Variants in DEPDC1B observed in about 807,000 individuals in gnomAD.
DEPDC1B encodes DEP domain containing 1B.
In DEPDC1B, 51 loss-of-function variants were observed where a neutral mutation model predicts 66.5. That is an observed-to-expected ratio of 0.77 (90% CI 0.61 to 0.97). The LOEUF is 0.97. Among genes scored for constraint, DEPDC1B ranks in the 50% least tolerant of loss-of-function variants. The pLI is 0.00. For synonymous variants in DEPDC1B, 226 were observed against 223.6 expected (o/e 1.01, Z -0.10); for missense variants, 552 against 637.1 (o/e 0.87, Z 1.44).
chr5:60,695,106 A>G (rs1754625256), intron 1 of DEPDC1B, among the ~76,000 whole-genome samples: 1 of 152,114 alleles, frequency 6.6e-6, no homozygotes, highest in Admixed American at 6.6e-5. Context: ...CTTTAACTGA[A>G]TTTTATATGG....
intron 7 of DEPDC1B, among the ~76,000 whole-genome samples, chr5:60,622,895 A>G (rs1269443543): frequency 6.6e-6 from 1 of 152,074 alleles, no homozygotes; most frequent in Non-Finnish European, 1.5e-5. Context: ...TTCTCTACAT[A>G]TCCTAGTTAT....
rs1180729395 is a variant in DEPDC1B, at chr5:60,597,821, G to A, written c.1522C>T (p.Gln508Ter). 1.9e-6 allele frequency: 3 copies of A among 1,613,400 alleles called. No homozygotes were observed. Among genetic ancestry groups the A allele is most frequent in the Non-Finnish European group, 1.7e-6 (2 of 1,179,676 alleles). ...TTCTTTAGTGCCCACATTAGCAGCT[G>A]TGGTTTCGGTTTGGGTTTTTCAGGA... is the stretch of plus-strand genomic sequence containing the variant. Reference protein sequence around the residue: ...LFPEKPKPKPQLLMWALKKPF... With the variant: ...LFPEKPKPKP Residue 508 changes from glutamine to a stop codon, truncating the protein, a stop_gained, in exon 11 of 11, where the codon CAG (glutamine) becomes TAG (stop). Transcript: ENST00000265036. LOFTEE classifies it high-confidence loss of function.
intron 1 of DEPDC1B, among the ~76,000 whole-genome samples, chr5:60,698,326 G>A (rs2112058402): frequency 6.6e-6 from 1 of 152,206 alleles, no homozygotes; most frequent in African/African-American, 2.4e-5. Context: ...TCTAGAATCT[G>A]GATTTAGCTG....
Position 60,665,616 on chromosome 5 carries a change from G to A in DEPDC1B, c.315-18083C>T, listed in dbSNP as rs559993357. Among the ~76,000 whole-genome samples the A allele has an allele frequency of 1.4e-4, 21 of 152,128 alleles. No individual in the cohort carries two copies. The East Asian group carries it at 2.7e-3, about 20-fold the overall frequency. ...ATCTCAACTGCATGACCCCTATTACGCCCCAATTCAGCAGGAAGCAGTTAA... is the reference window on the plus strand; with the variant it reads ...ATCTCAACTGCATGACCCCTATTACACCCCAATTCAGCAGGAAGCAGTTAA... On this transcript the variant is annotated intron_variant, in intron 2 of 10. Coordinates refer to ENST00000265036, the MANE Select transcript of DEPDC1B (RefSeq NM_018369.3).
At chr5:60,653,756 TA>T (rs1317176679) in intron 2 of DEPDC1B, among the ~76,000 whole-genome samples, 2 of 150,268 alleles carry the variant, frequency 1.3e-5, no homozygotes, top group Non-Finnish European at 2.9e-5. Flanking sequence ...TTTAAGTCTT[TA>T]ATCCATCTTG....
intron 7 of DEPDC1B, among the ~76,000 whole-genome samples, chr5:60,625,489 C>T (rs1752791537): frequency 1.3e-5 from 2 of 152,146 alleles, no homozygotes; most frequent in African/African-American, 4.8e-5. Context: ...CCCACATATA[C>T]TCAAGGGTAC....
intron 7 of DEPDC1B, among the ~76,000 whole-genome samples, 159 bp downstream of exon 7, chr5:60,638,591 C>T (rs1267804139): frequency 6.6e-6 from 1 of 152,138 alleles, no homozygotes; most frequent in East Asian, 1.9e-4. Context: ...TTTACTTCTT[C>T]ACAGAGCAAC....
At chr5:60,604,209 TTAAC>T (rs1283698063) in intron 8 of DEPDC1B, among the ~76,000 whole-genome samples, 2 of 143,894 alleles carry the variant, frequency 1.4e-5, no homozygotes, top group African/African-American at 5.1e-5. Flanking sequence ...AGAATTGAAA[TTAAC>T]TATTCTTTTT....
intron 2 of DEPDC1B, among the ~76,000 whole-genome samples, chr5:60,667,139 C>A (rs1017083101): frequency 6.6e-6 from 1 of 152,026 alleles, no homozygotes; most frequent in Non-Finnish European, 1.5e-5. Context: ...ATCTCTTATT[C>A]TAAGATAAAA....
At chr5:60,598,741 G>T (rs981861342) in intron 10 of DEPDC1B, among the ~76,000 whole-genome samples, 3 of 152,128 alleles carry the variant, frequency 2.0e-5, no homozygotes, top group African/African-American at 7.2e-5. Context: ...AACATGAAAA[G>T]AAATCCACCC....
intron 7 of DEPDC1B, among the ~76,000 whole-genome samples, chr5:60,616,787 C>T (rs188246858): frequency 7.2e-5 from 11 of 152,176 alleles, no homozygotes; most frequent in Admixed American, 3.9e-4. Flanking sequence ...ATACAGAGAA[C>T]GCCACAAAGA....
chr5:60,662,509 A>T (rs1038705716), intron 2 of DEPDC1B, among the ~76,000 whole-genome samples: 31 of 152,194 alleles, frequency 2.0e-4, no homozygotes, highest in African/African-American at 6.5e-4. Context: ...CGGGACAAAT[A>T]GGATAAAAAG....
intron 2 of DEPDC1B, among the ~76,000 whole-genome samples, chr5:60,680,364 C>T (rs1217903622): frequency 2.0e-5 from 3 of 152,236 alleles, no homozygotes; most frequent in African/African-American, 4.8e-5. Flanking sequence ...CTTTCTTATA[C>T]ACTAAAATTC....
At chr5:60,621,514 T>A (rs1752700828) in intron 7 of DEPDC1B, among the ~76,000 whole-genome samples, 1 of 151,570 alleles carries the variant, frequency 6.6e-6, no homozygotes, top group South Asian at 2.1e-4. Context: ...AAGGGGAATA[T>A]AACACACCGG....
At chr5:60,653,009 A>G (rs745827104) in intron 2 of DEPDC1B, among the ~76,000 whole-genome samples, 15 of 149,202 alleles carry the variant, frequency 1.0e-4, no homozygotes, top group Non-Finnish European at 2.1e-4. Flanking sequence ...CCACTCATTG[A>G]TTAATGGGCA....
At position 60,597,656 on chromosome 5, in the gene DEPDC1B, T is replaced by A; in HGVS notation, c.*97A>T. The A allele has an allele frequency of 1.5e-6, 2 of 1,336,462 alleles. No homozygotes were observed. Among genetic ancestry groups the A allele is most frequent in the South Asian group, 2.7e-5 (2 of 73,874 alleles). 82.8% of individuals were successfully genotyped at this position (1,336,462 alleles called of 1,614,324 possible). A position where few individuals can be genotyped will look rare whatever the true frequency, so the allele number is the denominator to read the frequency against. On this transcript the variant is annotated 3_prime_UTR_variant, in exon 11 of 11. Transcript: ENST00000265036. ...CTATATTTCAGTAGTCTTTGTTTTA[T>A]GCTTTTCTTTCTTCCACCACCAAAG...
chr5:60,671,484 G>C (rs961912950), intron 2 of DEPDC1B, among the ~76,000 whole-genome samples: 2 of 152,192 alleles, frequency 1.3e-5, no homozygotes, highest in Non-Finnish European at 2.9e-5. Context: ...AATCCTTCCA[G>C]AAGACCTAAG....
At chr5:60,690,365 C>T (rs145589218) in intron 1 of DEPDC1B, among the ~76,000 whole-genome samples, 5 of 152,170 alleles carry the variant, frequency 3.3e-5, no homozygotes, top group African/African-American at 1.2e-4. Context: ...ACGTACAAAA[C>T]ACTATATATA....
Position 60,687,046 on chromosome 5 carries a change from T to C in DEPDC1B, c.230A>G (p.Lys77Arg), listed in dbSNP as rs1426107072. 6.2e-7 allele frequency: 1 copy of C among 1,614,242 alleles called. No individual in the cohort carries two copies. Among genetic ancestry groups the C allele is most frequent in the Non-Finnish European group, 8.5e-7 (1 of 1,180,046 alleles). The change falls in exon 2 of 11, where the codon AAA becomes AGA. Residue 77 changes from lysine to arginine, a missense_variant. Lys to Arg is a conservative substitution (Grantham distance 26, BLOSUM62 2). Transcript: ENST00000265036. ...VTRKQTVQLL[K>R]KFLKNHVIED... ...AATAACGTGATTCTTCAGGAATTTT[T>C]TTAGCAGCTGGACCGTTTGTTTGCG...
Sources: gnomAD v4.1 joint callset for allele counts (sites outside exome capture counted in the v4.1 genomes callset) on GRCh38, gnomAD v4.1.1 for gene constraint, MANE v1.5 for transcripts, NCBI Gene and HGNC (gene_info 2026-07-23, HGNC 2026-07-21) for gene names.